GAGE12J: variants seen among roughly 807,000 people sequenced by gnomAD.
GAGE12J encodes G antigen 11.
In GAGE12J, 5 loss-of-function variants were observed where a neutral mutation model predicts 8.5. The observed-to-expected ratio is 0.59, with a 90% CI of 0.31 to 1.24. The LOEUF (loss-of-function observed/expected upper bound fraction) is 1.24, where lower values mean the gene tolerates loss of function less well. Ranked by LOEUF, GAGE12J falls within the 50% of genes most tolerant of loss-of-function variation. The probability of loss-of-function intolerance (pLI) is 0.06; values close to 1 mark genes in which losing one functional copy is unlikely to be tolerated. For missense variants in GAGE12J, 26 were observed against 63.0 expected (o/e 0.41, Z 1.99); for synonymous variants, 10 against 19.2 (o/e 0.52, Z 1.25).
intron 4 of GAGE12J, among the ~76,000 whole-genome samples, chrX:49,328,205 C>G (rs2066451736): frequency 1.4e-5 from 1 of 73,458 alleles, no homozygotes; most frequent in African/African-American, 3.5e-5. Context: ...GCACTGCACC[C>G]ACTATCTCAT....
chrX:49,323,288 G>T lies in GAGE12J; in HGVS notation c.84+11G>T. On this transcript the variant is annotated intron_variant, in intron 2 of 4. Transcript: ENST00000442437. ...ATTGGGCCTATGCGGGTGAGTGCTT[G>T]AACGTTAATTCGATGTTTTCTATTA... The T allele has an allele frequency of 3.5e-6, 4 of 1,142,074 alleles. No homozygotes were observed. The highest frequency in any genetic ancestry group is 3.6e-6 in the Non-Finnish European group (3 of 842,136). The allele number at this position is 1,142,074 out of a possible 1,213,427, so 94.1% of individuals were successfully genotyped here. A position where few individuals can be genotyped will look rare whatever the true frequency, so the allele number is the denominator to read the frequency against.
At chrX:49,322,244 CCG>C in intron 1 of GAGE12J, 100 bp downstream of exon 1, 1 of 168,519 alleles carries the variant, frequency 5.9e-6, no homozygotes, top group Non-Finnish European at 9.2e-6. Context: ...TCTGTGGCCT[CCG>C]AGGGAGAAGG....
intron 3 of GAGE12J, among the ~76,000 whole-genome samples, chrX:49,325,508 T>G (rs1260091688): frequency 1.1e-5 from 1 of 92,388 alleles, no homozygotes; most frequent in African/African-American, 3.4e-5. Flanking sequence ...ATACTGTTCA[T>G]CTGGATTCAC....
Position 49,322,540 on chromosome X carries a change from C to G in GAGE12J, c.-9+396C>G, listed in dbSNP as rs1314106615. 1.3e-4 allele frequency among the ~76,000 whole-genome samples: 13 copies of G among 97,936 alleles called. 1 individual carries two copies. Among genetic ancestry groups the G allele is most frequent in the East Asian group, 9.5e-4 (3 of 3,155 alleles). The allele number at this position is 97,936 out of a possible 115,157, so 85.0% of individuals were successfully genotyped here. A position where few individuals can be genotyped will look rare whatever the true frequency, so the allele number is the denominator to read the frequency against. On this transcript the variant is annotated intron_variant, in intron 1 of 4. Transcript: ENST00000442437. ...GGCTGCGGCCTGGTGAGCGCCCCCC[C>G]CAGCGGTGTGGAGTGCGGAGCGCCT...
intron 4 of GAGE12J, among the ~76,000 whole-genome samples, chrX:49,327,985 C>T (rs2066450524): frequency 5.1e-5 from 2 of 38,917 alleles, no homozygotes; most frequent in East Asian, 2.6e-3. Flanking sequence ...CACAAGCCAC[C>T]GTGCCTGACT....
intron 4 of GAGE12J, among the ~76,000 whole-genome samples, chrX:49,328,188 T>A (rs1303718716): frequency 1.3e-5 from 1 of 75,155 alleles, no homozygotes; most frequent in East Asian, 4.1e-4. Context: ...ACATGTGCCA[T>A]GCTGTTGCAC....
intron 1 of GAGE12J, among the ~76,000 whole-genome samples, 200 bp downstream of exon 1, chrX:49,322,344 G>A (rs1430186002): frequency 6.6e-5 from 7 of 106,136 alleles, no homozygotes; most frequent in African/African-American, 2.3e-4. Flanking sequence ...GGAGGAAGGT[G>A]GGCCGTGGAG....
chrX:49,328,251 TC>T (rs2066451988), intron 4 of GAGE12J, among the ~76,000 whole-genome samples: 6 of 31,569 alleles, frequency 1.9e-4, no homozygotes, highest in Admixed American at 5.0e-4. Flanking sequence ...GTGCTATCCC[TC>T]CCCCCTCCCC....
chrX:49,328,194 T>TG (rs1331291200), intron 4 of GAGE12J, among the ~76,000 whole-genome samples: 6 of 74,836 alleles, frequency 8.0e-5, no homozygotes, highest in African/African-American at 2.1e-4. Flanking sequence ...GCCATGCTGT[T>TG]GCACTGCACC....
intron 1 of GAGE12J, among the ~76,000 whole-genome samples, chrX:49,322,471 CG>C (rs1232396556): frequency 9.4e-6 from 1 of 106,748 alleles, no homozygotes. Flanking sequence ...GGGCCTCCGG[CG>C]GGGGCGAGGC....
At chrX:49,324,717 G>A (rs1469116496) in intron 3 of GAGE12J, among the ~76,000 whole-genome samples, 15 of 61,285 alleles carry the variant, frequency 2.4e-4, no homozygotes, top group Non-Finnish European at 2.8e-4. Context: ...CACAAACAAT[G>A]TTATATTTGG....
chrX:49,325,610 CAT>C (rs1247786328), intron 3 of GAGE12J, among the ~76,000 whole-genome samples: 13 of 79,937 alleles, frequency 1.6e-4, no homozygotes, highest in African/African-American at 4.4e-4. Flanking sequence ...CACACACACA[CAT>C]ACATACTGTT....
rs1388265383 is a variant in GAGE12J, at chrX:49,322,610, G to A, written c.-9+466G>A. Among the ~76,000 whole-genome samples, 18 of 91,922 alleles carry A rather than the reference G, an allele frequency of 2.0e-4. 1 individual carries two copies. The highest frequency in any genetic ancestry group is 1.1e-3 in the Admixed American group (10 of 8,775). 79.8% of individuals were successfully genotyped at this position (91,922 alleles called of 115,157 possible). A position where few individuals can be genotyped will look rare whatever the true frequency, so the allele number is the denominator to read the frequency against. On this transcript the variant is annotated intron_variant, in intron 1 of 4. Transcript: ENST00000442437. Reference sequence around the variant, plus strand: ...GTCTCACCTCCGCCATGGAAGGTCCGAAAACAGTGGGAAGGAGTGGGCGAG... The same window carrying A: ...GTCTCACCTCCGCCATGGAAGGTCCAAAAACAGTGGGAAGGAGTGGGCGAG...
intron 4 of GAGE12J, among the ~76,000 whole-genome samples, chrX:49,328,096 T>G (rs2066451003): frequency 1.4e-5 from 1 of 70,542 alleles, no homozygotes; most frequent in African/African-American, 3.9e-5. Flanking sequence ...TTTTTTCTTT[T>G]ATTTATTTAT....
intron 4 of GAGE12J, among the ~76,000 whole-genome samples, chrX:49,327,975 C>T (rs2066450452): frequency 3.0e-5 from 1 of 33,284 alleles, no homozygotes; most frequent in African/African-American, 5.0e-5. Context: ...GAACTACATG[C>T]ACAAGCCACC....
In GAGE12J at chrX:49,323,235, A is replaced by T; in HGVS notation, c.42A>T (p.Pro14=). ...RGRSTYYWPR[P]RPYVQPPEMI... Reference sequence around the variant, plus strand: ...GATCGACCTATTATTGGCCTAGACCAAGACCCTATGTACAGCCTCCTGAAA... The same window carrying T: ...GATCGACCTATTATTGGCCTAGACCTAGACCCTATGTACAGCCTCCTGAAA... The change falls in exon 2 of 5, where the codon CCA becomes CCT. Residue 14 remains proline (P), a synonymous_variant. Coordinates refer to ENST00000442437, the MANE Select transcript of GAGE12J (RefSeq NM_001098406.4). 8.7e-7 allele frequency: 1 copy of T among 1,147,721 alleles called. No individual in the cohort carries two copies. The highest frequency in any genetic ancestry group is 1.2e-6 in the Non-Finnish European group (1 of 843,781). The allele number at this position is 1,147,721 out of a possible 1,213,427, so 94.6% of individuals were successfully genotyped here. A position where few individuals can be genotyped will look rare whatever the true frequency, so the allele number is the denominator to read the frequency against.
At chrX:49,323,673 G>T (rs2066431826) in intron 2 of GAGE12J, 70 bp from the exon 3 acceptor site, 1 of 793,848 alleles carries the variant, frequency 1.3e-6, no homozygotes, top group African/African-American at 1.9e-5. Context: ...TGTATTCTGT[G>T]TATATATGTA....
rs186460498 is a variant in GAGE12J at position 49,328,185 on chromosome X, C to T, written c.332-1086C>T. Among the ~76,000 whole-genome samples the T allele has an allele frequency of 2.3e-3, 171 of 74,840 alleles. 28 individuals are homozygous for T. The Admixed American group carries it at 0.024, about 10-fold the overall frequency. The allele number at this position is 74,840 out of a possible 115,157, so 65.0% of individuals were successfully genotyped here. On this transcript the variant is annotated intron_variant, in intron 4 of 4. Transcript: ENST00000442437. ...GGTTAGTTACATATGTATACATGTG[C>T]CATGCTGTTGCACTGCACCCACTAT...
In GAGE12J at chrX:49,323,329, T is replaced by C. The variant is rs1557126430; in HGVS notation, c.84+52T>C. On this transcript the variant is annotated intron_variant, in intron 2 of 4. Coordinates refer to ENST00000442437, the MANE Select transcript of GAGE12J (RefSeq NM_001098406.4). ...TTTTCTATTAGTAGAAATTAATTTT[T>C]GTGATAGCGTTGTTGCATTAGTGTG... 14 of 1,039,103 alleles carry C rather than the reference T, an allele frequency of 1.3e-5. 1 individual carries two copies. Among genetic ancestry groups the C allele is most frequent in the East Asian group, 3.1e-5 (1 of 32,501 alleles). 85.6% of individuals were successfully genotyped at this position (1,039,103 alleles called of 1,213,427 possible). A position where few individuals can be genotyped will look rare whatever the true frequency, so the allele number is the denominator to read the frequency against.
Sources: gnomAD v4.1 joint callset for allele counts (sites outside exome capture counted in the v4.1 genomes callset) on GRCh38, gnomAD v4.1.1 for gene constraint, MANE v1.5 for transcripts, NCBI Gene and HGNC (gene_info 2026-07-23, HGNC 2026-07-21) for gene names.